The following TARS3 variants were observed in gnomAD, a reference collection of about 807,000 sequenced individuals.
The protein encoded by TARS3 is threonyl-tRNA synthetase 3, also known as threonine--tRNA ligase 2, cytoplasmic.
TARS3 carries 94 observed loss-of-function variants against 103.5 expected under a neutral mutation model. That is an observed-to-expected ratio of 0.91 (90% CI 0.77 to 1.08). The LOEUF (loss-of-function observed/expected upper bound fraction) is 1.08, where lower values mean the gene tolerates loss of function less well. Ranked by LOEUF, TARS3 falls within the 50% of genes least tolerant of loss-of-function variation. The pLI is 0.00. For missense variants in TARS3, 952 were observed against 995.2 expected, an observed-to-expected ratio of 0.96 and a Z score of 0.58; for synonymous variants, 416 against 355.4, an observed-to-expected ratio of 1.17 and a Z score of -1.92.
intron 12 of TARS3, 70 bp downstream of exon 12, chr15:101,684,005 A>T: frequency 6.9e-7 from 1 of 1,448,656 alleles, no homozygotes; most frequent in African/African-American, 1.4e-5. Context: ...ACTCTGAAAG[A>T]ATACAAGATG....
intron 12 of TARS3, among the ~76,000 whole-genome samples, chr15:101,678,244 C>T (rs1005452912): frequency 2.6e-5 from 4 of 152,110 alleles, no homozygotes; most frequent in Admixed American, 2.6e-4. Flanking sequence ...TCCCAAAGTG[C>T]TGGAATTACA....
intron 17 of TARS3, among the ~76,000 whole-genome samples, chr15:101,657,365 T>TGGCTGACAGCCTGACTGCAGCCCC (rs1393404403): frequency 6.6e-6 from 1 of 152,232 alleles, no homozygotes; most frequent in Non-Finnish European, 1.5e-5. Context: ...TCCGCAGCCC[T>TGGCTGACAGCCTGACTGCAGCCCC]GGCTGACAGC....
intron 10 of TARS3, 70 bp from the exon 11 acceptor site, chr15:101,686,132 T>C: frequency 7.4e-7 from 1 of 1,354,058 alleles, no homozygotes; most frequent in South Asian, 1.6e-5. Flanking sequence ...AGTAACACTA[T>C]GAGCAAATAT....
chr15:101,688,870 T>C (rs1898585832), intron 10 of TARS3, among the ~76,000 whole-genome samples: 1 of 152,210 alleles, frequency 6.6e-6, no homozygotes, highest in South Asian at 2.1e-4. Context: ...TAAGGCATTG[T>C]TCCTGTCTTC....
At chr15:101,702,111 G>A (rs1190266162) in intron 9 of TARS3, 128 bp downstream of exon 9, 1 of 1,058,066 alleles carries the variant, frequency 9.5e-7, no homozygotes, top group East Asian at 2.4e-5. Context: ...GCAGCGGACT[G>A]TGAGTGCCAG....
At chr15:101,693,452 C>A (rs919079605) in intron 10 of TARS3, among the ~76,000 whole-genome samples, 2 of 152,002 alleles carry the variant, frequency 1.3e-5, no homozygotes, top group African/African-American at 4.8e-5. Context: ...TCCGCCTGGC[C>A]CCACCCCTGA....
At position 101,662,683 on chromosome 15, in the gene TARS3, A is replaced by G. The variant is rs183427611; in HGVS notation, c.1968-867T>C. The stretch of plus-strand genomic sequence containing the variant: ...GGCTTGAGTCCATTCCTATGCAGGT[A>G]TATGAAGAAATTCATCCCAAAAATT... On this transcript the variant is annotated intron_variant, in intron 15 of 18. Coordinates refer to ENST00000335968, the MANE Select transcript of TARS3 (RefSeq NM_152334.3). 4.0e-3 allele frequency among the ~76,000 whole-genome samples: 603 copies of G among 152,326 alleles called. 3 individuals are homozygous for G. Among genetic ancestry groups the G allele is most frequent in the African/African-American group, 0.012 (514 of 41,574 alleles).
chr15:101,717,458 G>C (rs189552204), intron 3 of TARS3, among the ~76,000 whole-genome samples: 5 of 152,066 alleles, frequency 3.3e-5, no homozygotes, highest in African/African-American at 1.2e-4. Flanking sequence ...CTAGTGTTTC[G>C]CAAACCGATT....
chr15:101,722,779 T>C (rs1373730088), intron 2 of TARS3, among the ~76,000 whole-genome samples: 1 of 151,360 alleles, frequency 6.6e-6, no homozygotes, highest in East Asian at 1.9e-4. Context: ...GATCATGCCA[T>C]TGCACTCTAG....
In TARS3 at chr15:101,721,134, A is replaced by C; in HGVS notation, c.558T>G (p.Ala186=). 2 of 1,595,244 alleles carry C rather than the reference A, an allele frequency of 1.3e-6. No homozygotes were observed. Among genetic ancestry groups the C allele is most frequent in the South Asian group, 1.1e-5 (1 of 90,356 alleles). The change falls in exon 3 of 19, where the codon GCT becomes GCG. Residue 186 remains alanine (A), a synonymous_variant. Transcript: ENST00000335968. ...TCCACACTGCGGTTTACCTAATTTC[A>C]GCAGCCACTTGGTAAGGCGTTGTTT... ...VWKTTPYQVA[A]EISQELAEST...
intron 15 of TARS3, among the ~76,000 whole-genome samples, chr15:101,670,934 G>C (rs974735722): frequency 2.0e-5 from 3 of 152,128 alleles, no homozygotes; most frequent in African/African-American, 7.2e-5. Context: ...TTCTGGAAAG[G>C]GCAAGACTAT....
At chr15:101,665,925 C>T (rs1275177380) in intron 15 of TARS3, among the ~76,000 whole-genome samples, 1 of 152,070 alleles carries the variant, frequency 6.6e-6, no homozygotes, top group Non-Finnish European at 1.5e-5. Context: ...CATTTATGCA[C>T]AAGATGAGAA....
At chr15:101,719,135 T>C (rs1900315721) in intron 3 of TARS3, among the ~76,000 whole-genome samples, 1 of 152,230 alleles carries the variant, frequency 6.6e-6, no homozygotes, top group Admixed American at 6.5e-5. Context: ...CACTAACTGC[T>C]GCCAGGCTGT....
chr15:101,657,829 T>C lies in TARS3; in HGVS notation c.2101A>G (p.Met701Val). 6.2e-7 allele frequency: 1 copy of C among 1,609,252 alleles called. No homozygotes were observed. ...WPFWLSPRQV[M>V]VIPVGPTCEK... ...CAAGTTGGCCCCACAGGGATGACCA[T>C]CACCTGACGAGGAGATAGCCAGAAA... is the stretch of plus-strand genomic sequence containing the variant. The change falls in exon 17 of 19, where the codon ATG (methionine) becomes GTG (valine). Residue 701 changes from methionine (M) to valine (V), a missense_variant. Coordinates refer to ENST00000335968, the MANE Select transcript of TARS3 (RefSeq NM_152334.3).
chr15:101,667,023 G>A (rs1340282264), intron 15 of TARS3, among the ~76,000 whole-genome samples: 1 of 152,182 alleles, frequency 6.6e-6, no homozygotes, highest in East Asian at 1.9e-4. Flanking sequence ...TGGATGTTGT[G>A]TTAATAGGCA....
chr15:101,719,340 T>C (rs11629506), intron 3 of TARS3, among the ~76,000 whole-genome samples: 49,541 of 152,146 alleles, frequency 0.33, 9,862 homozygotes, highest in Non-Finnish European at 0.45. Flanking sequence ...ATGGGGGGTG[T>C]TCTGTACATC....
chr15:101,676,617 G>C (rs1004329370), intron 12 of TARS3, among the ~76,000 whole-genome samples: 3 of 152,036 alleles, frequency 2.0e-5, no homozygotes, highest in African/African-American at 7.2e-5. Context: ...TCATGCCTCA[G>C]GCTCCCGAGT....
At chr15:101,665,404 T>C (rs1897543021) in intron 15 of TARS3, among the ~76,000 whole-genome samples, 1 of 152,204 alleles carries the variant, frequency 6.6e-6, no homozygotes, top group Admixed American at 6.5e-5. Context: ...ATAAATTATA[T>C]AACTTAAAAA....
At position 101,721,316 on chromosome 15, in the gene TARS3, G is replaced by A; in HGVS notation, c.376C>T (p.His126Tyr). Residue 126 changes from histidine to tyrosine, a missense_variant, in exon 3 of 19, where the codon CAT becomes TAT. By Grantham distance (83) the His-to-Tyr change is moderately conservative. Transcript: ENST00000335968. ...CTTTCTTTTATGAAAATTGGTTGAT[G>A]CTTCACCTGGAAATTATTAGAACAT... ...KESEADSEVK[H>Y]QPIFIKERLK... 6.2e-7 allele frequency: 1 copy of A among 1,608,084 alleles called. No homozygotes were observed. Among genetic ancestry groups the A allele is most frequent in the African/African-American group, 1.3e-5 (1 of 74,894 alleles).
Sources: allele counts gnomAD v4.1 joint callset (sites outside exome capture counted in the v4.1 genomes callset), GRCh38; gene constraint gnomAD v4.1.1; transcripts MANE v1.5; gene names NCBI Gene and HGNC (gene_info 2026-07-23, HGNC 2026-07-21).